Variants in ANAPC1 observed in about 807,000 individuals in gnomAD.
The protein encoded by ANAPC1 is anaphase-promoting complex subunit 1.
ANAPC1 carries 36 observed loss-of-function variants against 208.0 expected under a neutral mutation model. That is an observed-to-expected ratio of 0.17 (90% confidence interval 0.13 to 0.23). The LOEUF is 0.23. ANAPC1 is among the 10% of genes least tolerant of loss of function. ANAPC1 has a pLI of 1.00. For synonymous variants in ANAPC1, 378 were observed against 695.2 expected (o/e 0.54, Z 7.18); for missense variants, 942 against 2,011.6 (o/e 0.47, Z 10.17).
intron 17 of ANAPC1, among the ~76,000 whole-genome samples, chr2:111,839,738 C>T (rs2104484778): frequency 2.6e-5 from 4 of 152,188 alleles, no homozygotes; most frequent in Admixed American, 2.6e-4. Flanking sequence ...AAACTTCAAC[C>T]AAAATGTAAC....
chr2:111,799,462 A>C (rs1474597465), intron 34 of ANAPC1, among the ~76,000 whole-genome samples: 1 of 152,150 alleles, frequency 6.6e-6, no homozygotes, highest in East Asian at 1.9e-4. Flanking sequence ...ATAGGATTGC[A>C]AATGGAATAC....
chr2:111,860,253 T>G (rs1321661785), intron 10 of ANAPC1, among the ~76,000 whole-genome samples: 2 of 151,874 alleles, frequency 1.3e-5, no homozygotes, highest in African/African-American at 4.8e-5. Context: ...GAGCTGTGAT[T>G]GAGTCACTCA....
chr2:111,857,968 TTA>T (rs4019130), intron 11 of ANAPC1, among the ~76,000 whole-genome samples: 24 of 150,784 alleles, frequency 1.6e-4, no homozygotes, highest in African/African-American at 5.8e-4. Context: ...TGTACATACA[TTA>T]TATATATATA....
At chr2:111,866,848 G>A (rs1238970231) in intron 7 of ANAPC1, among the ~76,000 whole-genome samples, 1 of 148,266 alleles carries the variant, frequency 6.7e-6, no homozygotes, top group South Asian at 2.1e-4. Context: ...CCAGGCTCTA[G>A]TATGTTTATT....
intron 46 of ANAPC1, among the ~76,000 whole-genome samples, chr2:111,773,896 G>A (rs1307997519): frequency 5.9e-5 from 9 of 151,496 alleles, no homozygotes; most frequent in Non-Finnish European, 1.3e-4. Context: ...TTTCACAGCT[G>A]AATCAGGAGC....
chr2:111,766,927 G>C (rs1391252788), downstream of ANAPC1: 1 of 470,772 alleles, frequency 2.1e-6, no homozygotes, highest in Non-Finnish European at 4.4e-6. Flanking sequence ...ATTCAAGGAA[G>C]ACTGGGCGGC....
At chr2:111,879,868 G>A (rs2871883) in intron 2 of ANAPC1, among the ~76,000 whole-genome samples, 28 of 151,104 alleles carry the variant, frequency 1.9e-4, no homozygotes, top group Admixed American at 7.2e-4. Context: ...GTGAAACTCC[G>A]TCTCAGGAAA....
intron 6 of ANAPC1, among the ~76,000 whole-genome samples, chr2:111,869,950 G>C (rs1334141314): frequency 2.0e-5 from 3 of 152,106 alleles, no homozygotes; most frequent in East Asian, 1.9e-4. Flanking sequence ...GCTCTCACTT[G>C]GAAGTGAGAA....
intron 29 of ANAPC1, 144 bp from the exon 30 acceptor site, chr2:111,806,037 T>C: frequency 1.8e-6 from 1 of 559,242 alleles, no homozygotes; most frequent in Non-Finnish European, 3.2e-6. Flanking sequence ...CTATAATAAA[T>C]GGTGTCCACA....
intron 21 of ANAPC1, among the ~76,000 whole-genome samples, chr2:111,828,935 C>A (rs946271277): frequency 6.6e-6 from 1 of 152,164 alleles, no homozygotes; most frequent in Non-Finnish European, 1.5e-5. Flanking sequence ...TAATTTCAGG[C>A]CGGGCACAGT....
At chr2:111,820,939 T>C (rs1679496828) in intron 26 of ANAPC1, among the ~76,000 whole-genome samples, 1 of 150,788 alleles carries the variant, frequency 6.6e-6, no homozygotes, top group South Asian at 2.1e-4. Context: ...AAGGTAACTA[T>C]CAGGCAAAAT....
At chr2:111,833,177 T>C in intron 20 of ANAPC1, 43 bp downstream of exon 20, 1 of 1,548,852 alleles carries the variant, frequency 6.5e-7, no homozygotes, top group Non-Finnish European at 8.8e-7. Flanking sequence ...CAAGGAAATA[T>C]CACTACACTG....
At chr2:111,769,705 G>T (rs1432635812) in intron 47 of ANAPC1, among the ~76,000 whole-genome samples, 1 of 117,168 alleles carries the variant, frequency 8.5e-6, no homozygotes, top group East Asian at 2.5e-4. Flanking sequence ...TTTTGGAGAC[G>T]AAGTCTCACT....
intron 7 of ANAPC1, chr2:111,865,783 G>C (rs1276833826): frequency 2.4e-5 from 4 of 168,504 alleles, no homozygotes; most frequent in African/African-American, 9.6e-5. Context: ...CCTCCCTCCA[G>C]TCCGTGCCTC....
chr2:111,856,727 T>C, intron 12 of ANAPC1, 48 bp from the exon 13 acceptor site: 1 of 1,613,514 alleles, frequency 6.2e-7, no homozygotes, highest in Non-Finnish European at 8.5e-7. Context: ...TCTGAGCAAA[T>C]TAACAGATTT....
At chr2:111,868,531 A>T (rs1682559310) in intron 6 of ANAPC1, among the ~76,000 whole-genome samples, 1 of 151,784 alleles carries the variant, frequency 6.6e-6, no homozygotes, top group African/African-American at 2.4e-5. Flanking sequence ...AAGTAAATTA[A>T]GTCTGCTTTT....
At chr2:111,824,798 T>C (rs978085063) in intron 24 of ANAPC1, among the ~76,000 whole-genome samples, 168 bp downstream of exon 24, 11 of 152,196 alleles carry the variant, frequency 7.2e-5, no homozygotes, top group Non-Finnish European at 1.5e-4. Context: ...TATTATTATA[T>C]GAAAGTTGTG....
In ANAPC1 at chr2:111,782,255, C is replaced by A; in HGVS notation, c.5202+114G>T. The A allele has an allele frequency of 4.7e-6, 5 of 1,068,178 alleles. No homozygotes were observed. The South Asian group carries it at 6.8e-5, about 14-fold the overall frequency. 66.2% of individuals were successfully genotyped at this position (1,068,178 alleles called of 1,614,324 possible). A position where few individuals can be genotyped will look rare whatever the true frequency, so the allele number is the denominator to read the frequency against. ...CAAACAGAGCCACAGTCAGTCTTTA[C>A]AATCTGCAACAATGAAAAAGGAAGC... On this transcript the variant is annotated intron_variant, in intron 43 of 47. Coordinates refer to ENST00000341068, the MANE Select transcript of ANAPC1 (RefSeq NM_022662.4).
At chr2:111,835,355 G>C (rs537641863) in intron 18 of ANAPC1, among the ~76,000 whole-genome samples, 1 of 152,316 alleles carries the variant, frequency 6.6e-6, no homozygotes, top group Non-Finnish European at 1.5e-5. Context: ...TATTCAGACT[G>C]ATTGGACTAC....
Sources: gnomAD v4.1 joint callset for allele counts (sites outside exome capture counted in the v4.1 genomes callset) on GRCh38, gnomAD v4.1.1 for gene constraint, MANE v1.5 for transcripts, NCBI Gene and HGNC (gene_info 2026-07-23, HGNC 2026-07-21) for gene names.